The following RPS6KC1 variants were observed in gnomAD, a reference collection of about 807,000 sequenced individuals.
The protein encoded by RPS6KC1 is ribosomal protein S6 kinase C1.
RPS6KC1 carries 54 observed loss-of-function variants against 103.8 expected under a neutral mutation model. The observed-to-expected ratio is 0.52, with a 90% CI of 0.42 to 0.65. The LOEUF (loss-of-function observed/expected upper bound fraction) is 0.65, where lower values mean the gene tolerates loss of function less well. Ranked by LOEUF, RPS6KC1 falls within the 30% of genes least tolerant of loss-of-function variation. The pLI, the probability that RPS6KC1 is intolerant of heterozygous loss-of-function variation, is 0.00. For missense variants in RPS6KC1, 1,151 were observed against 1,253.8 expected (o/e 0.92, Z 1.24); for synonymous variants, 439 against 438.7 (o/e 1.00, Z -0.01).
chr1:213,263,522 G>A (rs1370847380), intron 14 of RPS6KC1, among the ~76,000 whole-genome samples: 1 of 152,020 alleles, frequency 6.6e-6, no homozygotes, highest in African/African-American at 2.4e-5. Context: ...AGAAGGCCTG[G>A]GATCCTTATG....
At chr1:213,176,301 G>A in intron 7 of RPS6KC1, 99 bp from the exon 8 acceptor site, 1 of 597,514 alleles carries the variant, frequency 1.7e-6, no homozygotes, top group South Asian at 3.7e-5. Context: ...TCTGATTTAT[G>A]ATGAATTTAC....
the RPS6KC1 span, among the ~76,000 whole-genome samples, chr1:213,398,206 T>C: frequency 6.7e-6 from 1 of 149,200 alleles, no homozygotes; most frequent in African/African-American, 2.5e-5. Context: ...CTTTTTTTTT[T>C]TTTTTTTTTT....
the RPS6KC1 span, among the ~76,000 whole-genome samples, chr1:213,602,419 G>T: frequency 6.6e-6 from 1 of 151,548 alleles, no homozygotes; most frequent in Non-Finnish European, 1.5e-5. Context: ...TTTTAGTAGA[G>T]AGGGGGTTTT....
At chr1:213,120,441 A>T (rs1051197083) in intron 5 of RPS6KC1, among the ~76,000 whole-genome samples, 1 of 152,190 alleles carries the variant, frequency 6.6e-6, no homozygotes, top group Non-Finnish European at 1.5e-5. Flanking sequence ...ATTGTTTGGC[A>T]TAGTGGGAAA....
the RPS6KC1 span, among the ~76,000 whole-genome samples, chr1:213,359,673 A>T: frequency 1.0e-5 from 1 of 97,418 alleles, no homozygotes. Context: ...ACAATTTGGC[A>T]GTGTTTTTGC....
rs2094794420 is a variant in RPS6KC1, at chr1:213,261,472, A to C, written c.2912-86A>C. On this transcript the variant is annotated intron_variant, in intron 12 of 14. Transcript: ENST00000366960. ...TTTAGTATATGCTCTCTCAGCATTA[A>C]AAAGGTCACCTTGCTAATACATGTT... 3 of 1,216,460 alleles carry C rather than the reference A, an allele frequency of 2.5e-6. No individual in the cohort carries two copies. The Admixed American group carries it at 5.2e-5, about 21-fold the overall frequency. 75.4% of individuals were successfully genotyped at this position (1,216,460 alleles called of 1,614,324 possible).
intron 3 of RPS6KC1, among the ~76,000 whole-genome samples, chr1:213,087,801 G>A (rs545053072): frequency 1.1e-4 from 16 of 152,198 alleles, no homozygotes; most frequent in African/African-American, 3.9e-4. Context: ...CTGTGTACCC[G>A]GAATTTGTCT....
intron 4 of RPS6KC1, among the ~76,000 whole-genome samples, chr1:213,112,214 A>C (rs976964842): frequency 1.3e-5 from 2 of 152,098 alleles, no homozygotes; most frequent in African/African-American, 4.8e-5. Flanking sequence ...TGTTGGTAGA[A>C]GGTAGAGGGG....
chr1:213,094,527 A>C (rs537445039), intron 3 of RPS6KC1, among the ~76,000 whole-genome samples: 7 of 152,086 alleles, frequency 4.6e-5, no homozygotes, highest in Non-Finnish European at 1.0e-4. Context: ...TTCACAAGCT[A>C]TATCTGTCTG....
At chr1:213,533,524 C>T in the RPS6KC1 span, among the ~76,000 whole-genome samples, 2 of 152,150 alleles carry the variant, frequency 1.3e-5, no homozygotes, top group Admixed American at 1.3e-4. Context: ...TTATTATTCT[C>T]ACAAGGAAAC....
chr1:213,237,833 T>G (rs1446570317), intron 10 of RPS6KC1, among the ~76,000 whole-genome samples: 1 of 152,102 alleles, frequency 6.6e-6, no homozygotes, highest in African/African-American at 2.4e-5. Context: ...TCATTTACAG[T>G]CTTAGAGTGT....
the RPS6KC1 span, among the ~76,000 whole-genome samples, chr1:213,388,014 C>G: frequency 6.6e-6 from 1 of 152,246 alleles, no homozygotes; most frequent in Non-Finnish European, 1.5e-5. Context: ...TTCCATAAAA[C>G]CAGCATAGGA....
chr1:213,642,511 A>G, the RPS6KC1 span, among the ~76,000 whole-genome samples: 1 of 152,170 alleles, frequency 6.6e-6, no homozygotes, highest in Non-Finnish European at 1.5e-5. Context: ...TACTAAGAAG[A>G]AAGTGCCTAT....
chr1:213,705,317 C>A, the RPS6KC1 span, among the ~76,000 whole-genome samples: 1 of 152,200 alleles, frequency 6.6e-6, no homozygotes, highest in South Asian at 2.1e-4. Flanking sequence ...TGCAGTTGAA[C>A]TGGCACTCAA....
chr1:213,324,441 T>A, the RPS6KC1 span, among the ~76,000 whole-genome samples: 2 of 152,174 alleles, frequency 1.3e-5, no homozygotes, highest in Non-Finnish European at 2.9e-5. Flanking sequence ...AGATGGAAAG[T>A]CCTTGATCTT....
the RPS6KC1 span, among the ~76,000 whole-genome samples, chr1:213,595,941 A>G: frequency 6.6e-6 from 1 of 152,146 alleles, no homozygotes; most frequent in Admixed American, 6.5e-5. Context: ...GAATTTTGTT[A>G]TATTGGGGAT....
At chr1:213,133,085 T>G (rs1452490788) in intron 6 of RPS6KC1, among the ~76,000 whole-genome samples, 1 of 152,182 alleles carries the variant, frequency 6.6e-6, no homozygotes, top group Non-Finnish European at 1.5e-5. Context: ...GACACTTCAC[T>G]TACTCCCTCT....
chr1:213,764,062 A>G, the RPS6KC1 span, among the ~76,000 whole-genome samples: 1 of 152,328 alleles, frequency 6.6e-6, no homozygotes, highest in African/African-American at 2.4e-5. Context: ...GAGTAGTCAG[A>G]TTGTCAAATG....
At chr1:213,201,373 T>C (rs1389359301) in intron 8 of RPS6KC1, among the ~76,000 whole-genome samples, 1 of 152,218 alleles carries the variant, frequency 6.6e-6, no homozygotes, top group Non-Finnish European at 1.5e-5. Flanking sequence ...TTATATTATA[T>C]AATTCCAATT....
Sources: gnomAD v4.1 joint callset for allele counts (sites outside exome capture counted in the v4.1 genomes callset) on GRCh38, gnomAD v4.1.1 for gene constraint, MANE v1.5 for transcripts, NCBI Gene and HGNC (gene_info 2026-07-23, HGNC 2026-07-21) for gene names.